Variants in FSCN2 observed in about 807,000 individuals in gnomAD.
The protein encoded by FSCN2 is fascin-2.
In FSCN2, 46 loss-of-function variants were observed where a neutral mutation model predicts 37.8. That is an observed-to-expected ratio of 1.22 (90% CI 0.96 to 1.56). FSCN2 has a LOEUF of 1.56. FSCN2 is among the 40% of genes most tolerant of loss of function. The pLI, the probability that FSCN2 is intolerant of heterozygous loss-of-function variation, is 0.00. For missense variants in FSCN2, 844 were observed against 730.4 expected (o/e 1.16, Z -1.79); for synonymous variants, 351 against 309.4 (o/e 1.13, Z -1.41).
At chr17:81,531,865 C>T (rs917111697) in intron 1 of FSCN2, among the ~76,000 whole-genome samples, 1,932 of 17,196 alleles carry the variant, frequency 0.11, no homozygotes, top group Middle Eastern at 0.15. Context: ...GTGGTGATGG[C>T]GATGATGGTG....
chr17:81,520,056 C>T, the FSCN2 span, among the ~76,000 whole-genome samples: 1 of 152,220 alleles, frequency 6.6e-6, no homozygotes, highest in African/African-American at 2.4e-5. Flanking sequence ...ACAGAGGCTT[C>T]TCCGGCCTTC....
At position 81,536,661 on chromosome 17, in the gene FSCN2, C is replaced by T. The variant is rs1391438344; in HGVS notation, c.1145C>T (p.Pro382Leu). The T allele has an allele frequency of 1.9e-6, 3 of 1,611,158 alleles. No homozygotes were observed. The highest frequency in any genetic ancestry group is 2.2e-5 in the East Asian group (1 of 44,890). The part of the protein sequence containing the change: ...EEFTLKLINR[P>L]ILVLRGLDGF... ...TTCACCCTCAAGCTCATCAACCGGC[C>T]CATCCTGGTGCTGCGCGGCCTGGAC... The change falls in exon 4 of 5, where the codon CCC (proline) becomes CTC (leucine). Residue 382 changes from proline to leucine, a missense_variant. Physicochemically the swap from Pro to Leu is moderately conservative, Grantham distance 98. Transcript: ENST00000417245.
chr17:81,530,375 T>C (rs2032510508), intron 1 of FSCN2, among the ~76,000 whole-genome samples: 1 of 152,196 alleles, frequency 6.6e-6, no homozygotes, highest in Admixed American at 6.5e-5. Flanking sequence ...CAGTTGCCTG[T>C]CTGTGTGACT....
At chr17:81,530,045 T>G (rs782099052) in intron 1 of FSCN2, 1 of 259,100 alleles carries the variant, frequency 3.9e-6, no homozygotes, top group Non-Finnish European at 7.7e-6. Flanking sequence ...CTCCTGACCT[T>G]GTGATCTGTC....
chr17:81,516,435 C>T, the FSCN2 span, among the ~76,000 whole-genome samples: 14 of 152,366 alleles, frequency 9.2e-5, no homozygotes, highest in Admixed American at 3.3e-4. Flanking sequence ...TCCCTACTCT[C>T]AGCCCACCTC....
chr17:81,536,498 C>T, intron 3 of FSCN2, 124 bp from the exon 4 acceptor site: 2 of 1,537,614 alleles, frequency 1.3e-6, no homozygotes, highest in East Asian at 2.4e-5. Context: ...CAAGGCCGCA[C>T]ATGAGGCAAT....
At chr17:81,526,646 A>G (rs781832004), upstream of FSCN2, among the ~76,000 whole-genome samples, 29 of 152,234 alleles carry the variant, frequency 1.9e-4, no homozygotes, top group Non-Finnish European at 8.8e-5. Flanking sequence ...TTTAAAAAGA[A>G]GAGCCAATGG....
At chr17:81,524,892 T>TTC (rs2032300704), upstream of FSCN2, among the ~76,000 whole-genome samples, 1 of 22,100 alleles carries the variant, frequency 4.5e-5, no homozygotes, top group Admixed American at 3.9e-4. Flanking sequence ...CATGAGCACC[T>TTC]TCACACACAC....
At chr17:81,528,288 C>T (rs11653965), upstream of FSCN2, 1 of 547,654 alleles carries the variant, frequency 1.8e-6, no homozygotes, top group East Asian at 3.1e-5. Flanking sequence ...GGTGCTGCTC[C>T]TAAGCCGCAC....
chr17:81,516,633 C>G, the FSCN2 span, among the ~76,000 whole-genome samples: 1 of 152,228 alleles, frequency 6.6e-6, no homozygotes, highest in African/African-American at 2.4e-5. Context: ...CTGGCTGCCT[C>G]TGAGTTTTGG....
At chr17:81,530,317 C>A (rs911764226) in intron 1 of FSCN2, among the ~76,000 whole-genome samples, 1 of 152,198 alleles carries the variant, frequency 6.6e-6, no homozygotes, top group African/African-American at 2.4e-5. Flanking sequence ...GGAGGCACCT[C>A]CCTGCCCCAG....
chr17:81,532,152 GTGATGA>G (rs1373324825), intron 1 of FSCN2, among the ~76,000 whole-genome samples: 104 of 128,476 alleles, frequency 8.1e-4, no homozygotes, highest in Admixed American at 1.3e-3. Flanking sequence ...GATGGTGATG[GTGATGA>G]TGATGGTGAT....
intron 1 of FSCN2, among the ~76,000 whole-genome samples, chr17:81,531,227 AATGGTGATGGTGGTGATG>A (rs1568076876): frequency 2.1e-5 from 1 of 47,660 alleles, no homozygotes; most frequent in Non-Finnish European, 4.5e-5. Context: ...TGATGGTGAT[AATGGTGATGGTGGTGATG>A]ATGGTGATGG....
At chr17:81,532,591 T>C (rs371587908) in intron 1 of FSCN2, among the ~76,000 whole-genome samples, 10,317 of 147,802 alleles carry the variant, frequency 0.07, 1,007 homozygotes, top group African/African-American at 0.23. Flanking sequence ...ATAGTGATGG[T>C]GATGGTGATG....
chr17:81,532,335 GTGA>G lies in FSCN2; in HGVS notation c.827-2706_827-2704del, dbSNP rs537571220. Reference sequence around the variant, plus strand: ...GGCGATGATGGTGATGATAGTGATGGTGATGATGATGATAGTGATGGTGGTGAT... The same window carrying G: ...GGCGATGATGGTGATGATAGTGATGGTGATGATGATAGTGATGGTGGTGAT... On this transcript the variant is annotated intron_variant, in intron 1 of 4. Coordinates refer to ENST00000417245, the MANE Select transcript of FSCN2 (RefSeq NM_012418.4). Among the ~76,000 whole-genome samples, 1,079 of 141,532 alleles carry G rather than the reference GTGA, an allele frequency of 7.6e-3. 6 individuals carry two copies. The highest frequency in any genetic ancestry group is 0.035 in the Middle Eastern group (8 of 228). The allele number at this position is 141,532 out of a possible 152,430, so 92.9% of individuals were successfully genotyped here.
Position 81,537,092 on chromosome 17 carries a change from G to T in FSCN2, c.*12G>T. ...TTTGGGAGTACTGAGGCCGCGCCCA[G>T]ACCAGCCTGTCGCGCATTAAAACCG... On this transcript the variant is annotated 3_prime_UTR_variant, in exon 5 of 5. Coordinates refer to ENST00000417245, the MANE Select transcript of FSCN2 (RefSeq NM_012418.4). 2.1e-6 allele frequency: 3 copies of T among 1,415,404 alleles called. No homozygotes were observed. Among genetic ancestry groups the T allele is most frequent in the South Asian group, 3.0e-5 (2 of 67,046 alleles). The allele number at this position is 1,415,404 out of a possible 1,614,324, so 87.7% of individuals were successfully genotyped here.
chr17:81,524,638 T>A (rs940853788), upstream of FSCN2, among the ~76,000 whole-genome samples: 7 of 152,120 alleles, frequency 4.6e-5, no homozygotes, highest in Admixed American at 6.5e-5. Context: ...GGAGGGGTGC[T>A]TCCTGTTGCC....
Position 81,537,105 on chromosome 17 carries a change from C to A in FSCN2, c.*25C>A. ...AGGCCGCGCCCAGACCAGCCTGTCGCGCATTAAAACCGTGTCTCTCCCGCA... is the reference window on the plus strand; with the variant it reads ...AGGCCGCGCCCAGACCAGCCTGTCGAGCATTAAAACCGTGTCTCTCCCGCA... On this transcript the variant is annotated 3_prime_UTR_variant, in exon 5 of 5. Coordinates refer to ENST00000417245, the MANE Select transcript of FSCN2 (RefSeq NM_012418.4). The A allele has an allele frequency of 7.2e-7, 1 of 1,384,226 alleles. No individual in the cohort carries two copies. Among genetic ancestry groups the A allele is most frequent in the Non-Finnish European group, 9.3e-7 (1 of 1,072,106 alleles). 85.7% of individuals were successfully genotyped at this position (1,384,226 alleles called of 1,614,324 possible).
At chr17:81,532,047 ATGATGGTGATGG>A (rs1298490428) in intron 1 of FSCN2, among the ~76,000 whole-genome samples, 4 of 100,288 alleles carry the variant, frequency 4.0e-5, no homozygotes, top group African/African-American at 1.6e-4. Flanking sequence ...GATGATGGTG[ATGATGGTGATGG>A]TGATGATAGT....
Sources: gnomAD v4.1 joint callset for allele counts (sites outside exome capture counted in the v4.1 genomes callset) on GRCh38, gnomAD v4.1.1 for gene constraint, MANE v1.5 for transcripts, NCBI Gene and HGNC (gene_info 2026-07-23, HGNC 2026-07-21) for gene names.